THOC1: variants seen among roughly 807,000 people sequenced by gnomAD.
THOC1 encodes THO complex 1.
THOC1 carries 29 observed loss-of-function variants against 97.3 expected under a neutral mutation model. The ratio of observed to expected loss-of-function variants is 0.30; its 90% CI spans 0.22 to 0.41. The LOEUF is 0.41. Ranked by LOEUF, THOC1 falls within the 10% of genes least tolerant of loss-of-function variation. THOC1 has a pLI of 1.00. For synonymous variants in THOC1, 255 were observed against 257.0 expected (o/e 0.99, Z 0.07); for missense variants, 529 against 761.9 (o/e 0.69, Z 3.60).
intron 17 of THOC1, among the ~76,000 whole-genome samples, 198 bp from the exon 18 acceptor site, chr18:219,167 C>T (rs1910997540): frequency 3.7e-5 from 1 of 27,346 alleles, no homozygotes; most frequent in African/African-American, 1.7e-4. Flanking sequence ...GTTCCCTGAG[C>T]GGTACAAAAT....
At chr18:219,549 TAC>T (rs1391960338) in intron 17 of THOC1, among the ~76,000 whole-genome samples, 1 of 152,214 alleles carries the variant, frequency 6.6e-6, no homozygotes, top group African/African-American at 2.4e-5. Context: ...TACTTTTAGT[TAC>T]AGTTTTGATT....
chr18:254,407 T>G lies in THOC1; in HGVS notation c.521-52A>C. ...AAAGCAAGTCCAGTGACACCTAAAC[T>G]TATGTATAACTTGTGTCATAATCAA... On this transcript the variant is annotated intron_variant, in intron 7 of 20. Coordinates refer to ENST00000261600, the MANE Select transcript of THOC1 (RefSeq NM_005131.3). The surrounding 1 kb of genome is among the most constrained non-coding windows in gnomAD (Gnocchi z 4.1). 8.9e-7 allele frequency: 1 copy of G among 1,119,200 alleles called. No homozygotes were observed. The highest frequency in any genetic ancestry group is 1.3e-6 in the Non-Finnish European group (1 of 762,188). The allele number at this position is 1,119,200 out of a possible 1,614,324, so 69.3% of individuals were successfully genotyped here.
intron 19 of THOC1, chr18:216,204 G>T (rs527819806): frequency 7.3e-6 from 2 of 273,150 alleles, no homozygotes; most frequent in South Asian, 1.0e-4. Context: ...CACCCGCCTC[G>T]GCCTCCCAAA....
chr18:265,740 G>A (rs922605316), intron 1 of THOC1, among the ~76,000 whole-genome samples: 4 of 151,706 alleles, frequency 2.6e-5, no homozygotes, highest in African/African-American at 9.7e-5. Flanking sequence ...GAGCTTCCTT[G>A]CTGGACTTTT....
intron 20 of THOC1, 110 bp downstream of exon 20, chr18:215,319 G>C: frequency 3.7e-6 from 3 of 801,664 alleles, no homozygotes; most frequent in Non-Finnish European, 2.1e-6. Flanking sequence ...AAACAGTTGA[G>C]ATAAAATGGG....
chr18:216,471 A>T lies in THOC1; in HGVS notation c.1602+15T>A, dbSNP rs1910895089. On this transcript the variant is annotated intron_variant, in intron 19 of 20. Transcript: ENST00000261600. ...GTCAACTAAAGGGTATGAAAAGTTG[A>T]TCTATGGTACTTACCGGTAATTCCT... is the stretch of plus-strand genomic sequence containing the variant. 2 of 1,611,412 alleles carry T rather than the reference A, an allele frequency of 1.2e-6. No homozygotes were observed. The highest frequency in any genetic ancestry group is 1.7e-6 in the Non-Finnish European group (2 of 1,178,494).
intron 11 of THOC1, 105 bp from the exon 12 acceptor site, chr18:227,006 T>A (rs1446322376): frequency 1.1e-6 from 1 of 900,378 alleles, no homozygotes; most frequent in Non-Finnish European, 1.7e-6. Context: ...TCCAATTCAA[T>A]TTAAAAGCCA....
chr18:254,449 A>G lies in THOC1; in HGVS notation c.521-94T>C. On this transcript the variant is annotated intron_variant, in intron 7 of 20. Coordinates refer to ENST00000261600, the MANE Select transcript of THOC1 (RefSeq NM_005131.3). The surrounding 1 kb of genome is among the most constrained non-coding windows in gnomAD (Gnocchi z 4.1). ...CATAATCAAAACTACAAAATGCCAA[A>G]TCCATAAAGAGCAGTCAAAATTAAC... 1.3e-6 allele frequency: 1 copy of G among 741,920 alleles called. No individual in the cohort carries two copies. The highest frequency in any genetic ancestry group is 2.3e-6 in the Non-Finnish European group (1 of 438,640). The allele number at this position is 741,920 out of a possible 1,614,324, so 46.0% of individuals were successfully genotyped here. A position where few individuals can be genotyped will look rare whatever the true frequency, so the allele number is the denominator to read the frequency against.
chr18:245,062 CATG>C (rs1403794778), intron 11 of THOC1: 1 of 152,130 alleles, frequency 6.6e-6, no homozygotes, highest in Non-Finnish European at 1.5e-5. Context: ...GCTTTTGTTT[CATG>C]ATTTCTTGTT....
At chr18:267,909 A>G (rs1912832542) in intron 1 of THOC1, 57 bp downstream of exon 1, 3 of 1,519,294 alleles carry the variant, frequency 2.0e-6, no homozygotes, top group South Asian at 2.4e-5. Context: ...AATTTCAGGG[A>G]GAAGAGGACA....
Position 265,346 on chromosome 18 carries a change from C to A in THOC1, c.146G>T (p.Cys49Phe). ...QVPGSENEKK[C>F]TLDQAFRGIL... ...ACCTCTGAAAGCTTGGTCAAGGGTA[C>A]ATTTTTTTTCATTTTCACTATTAAA... The change falls in exon 3 of 21, where the codon TGT (cysteine) becomes TTT (phenylalanine). Residue 49 changes from cysteine to phenylalanine, a missense_variant. Physicochemically the swap from Cys to Phe is radical, Grantham distance 205. This residue lies in a region of THOC1 where 114 missense variants were observed against 97.4 expected (regional missense o/e 1.17). Coordinates refer to ENST00000261600, the MANE Select transcript of THOC1 (RefSeq NM_005131.3). 6.2e-7 allele frequency: 1 copy of A among 1,605,146 alleles called. No individual in the cohort carries two copies. The highest frequency in any genetic ancestry group is 1.3e-5 in the African/African-American group (1 of 74,628).
At chr18:221,344 C>G (rs1239438843) in intron 17 of THOC1, among the ~76,000 whole-genome samples, 5 of 152,062 alleles carry the variant, frequency 3.3e-5, no homozygotes, top group African/African-American at 9.7e-5. Flanking sequence ...CCTGGGTCAA[C>G]TTCTCATTCT....
intron 13 of THOC1, 97 bp from the exon 14 acceptor site, chr18:225,236 C>G: frequency 1.3e-6 from 2 of 1,532,066 alleles, no homozygotes; most frequent in Non-Finnish European, 1.8e-6. Flanking sequence ...GGTCTTGTAC[C>G]TGAGCTTAAC....
chr18:267,947 C>A lies in THOC1; in HGVS notation c.54+19G>T. 6.2e-7 allele frequency: 1 copy of A among 1,609,220 alleles called. No homozygotes were observed. Among genetic ancestry groups the A allele is most frequent in the Non-Finnish European group, 8.5e-7 (1 of 1,177,856 alleles). ...GCATAGCGCCGGGTCAGGCCTGCAC[C>A]CTCCCCTCTACAGCTCACCGTAAAC... On this transcript the variant is annotated intron_variant, in intron 1 of 20. Coordinates refer to ENST00000261600, the MANE Select transcript of THOC1 (RefSeq NM_005131.3).
chr18:226,810 T>C lies in THOC1; in HGVS notation c.1010A>G (p.Lys337Arg). The C allele has an allele frequency of 6.2e-7, 1 of 1,609,990 alleles. No individual in the cohort carries two copies. The highest frequency in any genetic ancestry group is 8.5e-7 in the Non-Finnish European group (1 of 1,178,074). Reference protein sequence around the residue: ...ILFQYLKGQVKFKSSNYVLTD... With the variant: ...ILFQYLKGQVRFKSSNYVLTD... Reference sequence around the variant, plus strand: ...ACCCATATTATCTTACCTTTTGAATTTGACCTGCCCCTTGAGATATTGGAA... The same window carrying C: ...ACCCATATTATCTTACCTTTTGAATCTGACCTGCCCCTTGAGATATTGGAA... Residue 337 changes from lysine (K) to arginine (R), a missense_variant, in exon 12 of 21, where the codon AAA becomes AGA. Transcript: ENST00000261600.
intron 4 of THOC1, chr18:261,051 C>T (rs1912590097): frequency 6.6e-6 from 1 of 152,062 alleles, no homozygotes; most frequent in African/African-American, 2.4e-5. Context: ...AAAAGATTAT[C>T]TTCAAAAAAT....
At chr18:245,263 C>A (rs1320915085) in intron 11 of THOC1, 1 of 152,068 alleles carries the variant, frequency 6.6e-6, no homozygotes, top group Non-Finnish European at 1.5e-5. Context: ...GAGTTTTGAA[C>A]AGGAGCCTTT....
chr18:264,135 C>T, intron 3 of THOC1, 43 bp from the exon 4 acceptor site: 1 of 1,381,574 alleles, frequency 7.2e-7, no homozygotes, highest in Non-Finnish European at 1.0e-6. Flanking sequence ...GGCAAGAGTT[C>T]AGACTAAACT....
At chr18:234,202 A>T (rs1911594817) in intron 11 of THOC1, among the ~76,000 whole-genome samples, 1 of 152,172 alleles carries the variant, frequency 6.6e-6, no homozygotes, top group Non-Finnish European at 1.5e-5. Context: ...TTCTCTGTAG[A>T]CAATTATATT....
Sources: gnomAD v4.1 joint callset for allele counts (sites outside exome capture counted in the v4.1 genomes callset) on GRCh38, gnomAD v4.1.1 for gene constraint, gnomAD v4.1.1 regional missense constraint, Gnocchi (gnomAD v3.1) non-coding constraint, MANE v1.5 for transcripts, NCBI Gene and HGNC (gene_info 2026-07-23, HGNC 2026-07-21) for gene names.